ZNF236: variants seen among roughly 807,000 people sequenced by gnomAD.
The protein encoded by ZNF236 is regulated by glucose.
Under a neutral mutation model 191.2 loss-of-function variants are expected in ZNF236, and 50 were observed. The observed-to-expected ratio is 0.26, with a 90% CI of 0.21 to 0.33. The LOEUF is 0.33. ZNF236 is among the 10% of genes least tolerant of loss of function. The pLI is 1.00. For synonymous variants in ZNF236, 907 were observed against 928.8 expected, an observed-to-expected ratio of 0.98 and a Z score of 0.43; for missense variants, 1,754 against 2,374.5, an observed-to-expected ratio of 0.74 and a Z score of 5.43.
intron 26 of ZNF236, among the ~76,000 whole-genome samples, chr18:76,938,035 TA>T (rs1381722073): frequency 6.6e-6 from 1 of 152,206 alleles, no homozygotes; most frequent in Non-Finnish European, 1.5e-5. Flanking sequence ...TTAGTTGATG[TA>T]AATTGTGATT....
chr18:76,937,899 A>G (rs1010375481), intron 26 of ZNF236, among the ~76,000 whole-genome samples: 9 of 152,226 alleles, frequency 5.9e-5, no homozygotes, highest in Admixed American at 5.9e-4. Flanking sequence ...AATCATAATG[A>G]TACATTATGA....
At chr18:76,847,504 C>T (rs1389224062) in intron 1 of ZNF236, among the ~76,000 whole-genome samples, 1 of 151,950 alleles carries the variant, frequency 6.6e-6, no homozygotes, top group African/African-American at 2.4e-5. Flanking sequence ...CTCACTCTTT[C>T]ACCCAGGCTG....
intron 4 of ZNF236, 24 bp downstream of exon 4, chr18:76,868,887 G>A (rs1438369556): frequency 1.9e-6 from 3 of 1,559,950 alleles, no homozygotes; most frequent in East Asian, 4.7e-5. Context: ...CATGGGCTTG[G>A]TCAAAAATCC....
chr18:76,825,255 C>G (rs992066565), intron 1 of ZNF236, among the ~76,000 whole-genome samples: 1 of 152,244 alleles, frequency 6.6e-6, no homozygotes, highest in Admixed American at 6.5e-5. Context: ...CTTCTGAACA[C>G]CAGTCCTCCT....
intron 9 of ZNF236, among the ~76,000 whole-genome samples, chr18:76,883,799 A>C (rs1232970258): frequency 6.6e-6 from 1 of 152,196 alleles, no homozygotes; most frequent in African/African-American, 2.4e-5. Context: ...CTTTTAACAT[A>C]GTGATTATAT....
At chr18:76,897,728 C>T (rs1977474865) in intron 10 of ZNF236, among the ~76,000 whole-genome samples, 1 of 151,880 alleles carries the variant, frequency 6.6e-6, no homozygotes, top group South Asian at 2.1e-4. Flanking sequence ...CACAGTACCA[C>T]ACATGGTACC....
intron 14 of ZNF236, 140 bp downstream of exon 14, chr18:76,908,713 A>G (rs1473067995): frequency 9.6e-7 from 1 of 1,045,378 alleles, no homozygotes; most frequent in Non-Finnish European, 1.4e-6. Flanking sequence ...TGAATTGAGT[A>G]TTTGATATCA....
chr18:76,878,619 G>GCACA lies in ZNF236; in HGVS notation c.984+484_984+487dup, dbSNP rs34297502. 1.4e-3 allele frequency among the ~76,000 whole-genome samples: 211 copies of GCACA among 150,040 alleles called. 2 individuals are homozygous for GCACA. Among genetic ancestry groups the GCACA allele is most frequent in the East Asian group, 0.01 (53 of 5,122 alleles). ...CCTACACACAGAGAGACACAGGTGC[G>GCACA]CACACACACACACACACACAGGGAC... On this transcript the variant is annotated intron_variant, in intron 7 of 30. Transcript: ENST00000320610.
At chr18:76,872,678 G>A (rs1187769308) in intron 5 of ZNF236, among the ~76,000 whole-genome samples, 8 of 152,204 alleles carry the variant, frequency 5.3e-5, no homozygotes, top group African/African-American at 1.9e-4. Flanking sequence ...CTTGTAAAGA[G>A]CAGCCTGGTT....
chr18:76,861,190 C>T (rs1225539578), intron 3 of ZNF236, among the ~76,000 whole-genome samples: 1 of 152,128 alleles, frequency 6.6e-6, no homozygotes, highest in Non-Finnish European at 1.5e-5. Flanking sequence ...ATGCTTAGGT[C>T]AGAGTTTGTG....
intron 13 of ZNF236, among the ~76,000 whole-genome samples, chr18:76,907,509 A>G (rs974946398): frequency 2.6e-5 from 4 of 152,054 alleles, no homozygotes; most frequent in Middle Eastern, 3.2e-3. Context: ...TTGTATTTGT[A>G]GTAGAGATGG....
At chr18:76,897,074 CA>C (rs1163045127) in intron 10 of ZNF236, among the ~76,000 whole-genome samples, 1 of 151,230 alleles carries the variant, frequency 6.6e-6, no homozygotes, top group African/African-American at 2.4e-5. Context: ...CATGGTGCTG[CA>C]GACAGGTACT....
At chr18:76,853,633 A>G (rs566949667) in intron 3 of ZNF236, among the ~76,000 whole-genome samples, 1 of 152,274 alleles carries the variant, frequency 6.6e-6, no homozygotes, top group East Asian at 1.9e-4. Context: ...CAAAGGCCAC[A>G]GTATTTCAGT....
In ZNF236 at chr18:76,960,571, TA is replaced by T; in HGVS notation, c.5243-104del. On this transcript the variant is annotated intron_variant, in intron 29 of 30. Transcript: ENST00000320610. The surrounding 1 kb of genome is among the most constrained non-coding windows in gnomAD (Gnocchi z 4.4). ...TCAGATGACAGCCAGGCTGAAAGCC[TA>T]AAAGAAAAGAGGAACATTCAGTCCC... 1 of 1,412,446 alleles carries T rather than the reference TA, an allele frequency of 7.1e-7. No individual in the cohort carries two copies. Among genetic ancestry groups the T allele is most frequent in the Non-Finnish European group, 9.9e-7 (1 of 1,014,910 alleles). The allele number at this position is 1,412,446 out of a possible 1,614,324, so 87.5% of individuals were successfully genotyped here.
chr18:76,882,974 C>T (rs1272140639), intron 9 of ZNF236, among the ~76,000 whole-genome samples: 3 of 152,316 alleles, frequency 2.0e-5, no homozygotes, highest in African/African-American at 7.2e-5. Flanking sequence ...TGTGCTAAAT[C>T]GGATGCTTTC....
chr18:76,838,865 C>G (rs898591501), intron 1 of ZNF236, among the ~76,000 whole-genome samples: 4 of 152,216 alleles, frequency 2.6e-5, no homozygotes, highest in African/African-American at 7.2e-5. Flanking sequence ...CCTAAGAAAT[C>G]TTCACTGTGC....
chr18:76,952,207 C>T (rs1031022741), intron 27 of ZNF236, among the ~76,000 whole-genome samples: 7 of 152,136 alleles, frequency 4.6e-5, no homozygotes, highest in Non-Finnish European at 7.4e-5. Flanking sequence ...TTTGTAAAAA[C>T]GACAGGATAT....
intron 9 of ZNF236, chr18:76,886,537 AT>A (rs1249891625): frequency 1.5e-5 from 3 of 193,858 alleles, no homozygotes; most frequent in African/African-American, 7.0e-5. Context: ...GCTTCTGTCA[AT>A]TTCTATAGCA....
intron 1 of ZNF236, among the ~76,000 whole-genome samples, chr18:76,842,181 T>C (rs1225777482): frequency 1.3e-5 from 2 of 152,142 alleles, no homozygotes; most frequent in African/African-American, 2.4e-5. Flanking sequence ...ACAAGGGCAT[T>C]GATAATATGA....
Sources: allele counts gnomAD v4.1 joint callset (sites outside exome capture counted in the v4.1 genomes callset), GRCh38; gene constraint gnomAD v4.1.1; non-coding constraint Gnocchi (gnomAD v3.1); transcripts MANE v1.5; gene names NCBI Gene and HGNC (gene_info 2026-07-23, HGNC 2026-07-21).